RBFOX1: variants seen among roughly 807,000 people sequenced by gnomAD.
The protein encoded by RBFOX1 is RNA binding fox-1 homolog 1.
In RBFOX1, 8 loss-of-function variants were observed where a neutral mutation model predicts 57.7. The ratio of observed to expected loss-of-function variants is 0.14; its 90% confidence interval spans 0.08 to 0.25. The LOEUF (loss-of-function observed/expected upper bound fraction) is 0.25, where lower values mean the gene tolerates loss of function less well. RBFOX1 is among the 10% of genes least tolerant of loss of function. RBFOX1 has a pLI of 1.00. For missense variants in RBFOX1, 611 were observed against 548.5 expected (o/e 1.11, Z -1.14); for synonymous variants, 326 against 222.4 (o/e 1.47, Z -4.15).
chr16:5,597,787 C>T (rs1053449086), intron 2 of RBFOX1, among the ~76,000 whole-genome samples: 1 of 152,050 alleles, frequency 6.6e-6, no homozygotes, highest in Non-Finnish European at 1.5e-5. Flanking sequence ...GAAAGGTGGA[C>T]GAAGGCTTTG....
At chr16:7,320,495 T>G (rs577471187) in intron 4 of RBFOX1, among the ~76,000 whole-genome samples, 3 of 152,390 alleles carry the variant, frequency 2.0e-5, no homozygotes, top group South Asian at 4.1e-4. Context: ...GCATTTGTGT[T>G]GATTCCATGT....
At chr16:6,608,276 A>G (rs2097976492) in intron 2 of RBFOX1, among the ~76,000 whole-genome samples, 1 of 152,190 alleles carries the variant, frequency 6.6e-6, no homozygotes. Context: ...TAAGTGAAAT[A>G]TTTCAAAGTA....
At chr16:6,004,635 A>G (rs532741027) in intron 4 of RBFOX1, among the ~76,000 whole-genome samples, 1 of 152,286 alleles carries the variant, frequency 6.6e-6, no homozygotes, top group East Asian at 1.9e-4. Context: ...GAAGCCTTTC[A>G]TTTTATTTCT....
In RBFOX1 at chr16:6,549,003, A is replaced by T. The variant is rs1449850586; in HGVS notation, c.-63-105600A>T. 2.0e-5 allele frequency among the ~76,000 whole-genome samples: 3 copies of T among 149,980 alleles called. No homozygotes were observed. In the East Asian group the frequency reaches 6.1e-4, roughly 30 times the overall value. On this transcript the variant is annotated intron_variant, in intron 2 of 15. Transcript: ENST00000550418. ...GGCAGGAGATTCACTTGAACCCTGG[A>T]GGTGGAGGTTGCAGTGAGCTGAGAT...
intron 3 of RBFOX1, among the ~76,000 whole-genome samples, chr16:6,924,244 T>G (rs191457226): frequency 3.3e-5 from 5 of 152,168 alleles, no homozygotes; most frequent in Non-Finnish European, 5.9e-5. Context: ...AGAGGTTTAT[T>G]TGACTCACAG....
chr16:5,907,168 G>T (rs2058479328), intron 4 of RBFOX1, among the ~76,000 whole-genome samples: 1 of 152,142 alleles, frequency 6.6e-6, no homozygotes, highest in South Asian at 2.1e-4. Flanking sequence ...GCAGATTGTT[G>T]ACCTGCTGTG....
chr16:7,008,026 C>A (rs1054440444), intron 3 of RBFOX1, among the ~76,000 whole-genome samples: 2 of 151,982 alleles, frequency 1.3e-5, no homozygotes, highest in Admixed American at 6.6e-5. Flanking sequence ...TGTCTCTCAC[C>A]CAACTTAGCA....
At chr16:6,640,865 A>C (rs528029021) in intron 2 of RBFOX1, among the ~76,000 whole-genome samples, 5 of 152,146 alleles carry the variant, frequency 3.3e-5, no homozygotes, top group African/African-American at 7.2e-5. Context: ...ATTAAGGCCA[A>C]GACCCAAAAC....
chr16:6,761,612 G>A (rs967685673), intron 3 of RBFOX1, among the ~76,000 whole-genome samples: 4 of 136,394 alleles, frequency 2.9e-5, no homozygotes, highest in African/African-American at 1.1e-4. Flanking sequence ...GATTCAAGCA[G>A]TTCTCTGCCT....
At chr16:6,625,479 C>G (rs915532651) in intron 2 of RBFOX1, among the ~76,000 whole-genome samples, 2 of 152,226 alleles carry the variant, frequency 1.3e-5, no homozygotes, top group Non-Finnish European at 1.5e-5. Flanking sequence ...AGTCCAAGCT[C>G]CTTTCCTTTT....
chr16:6,903,098 A>C (rs1176774743), intron 3 of RBFOX1, among the ~76,000 whole-genome samples: 3 of 152,144 alleles, frequency 2.0e-5, no homozygotes, highest in Non-Finnish European at 4.4e-5. Flanking sequence ...CTTCAAGGGA[A>C]ACTTCTTGGA....
At chr16:5,733,442 C>T (rs930256099) in intron 3 of RBFOX1, among the ~76,000 whole-genome samples, 1 of 152,182 alleles carries the variant, frequency 6.6e-6, no homozygotes, top group Non-Finnish European at 1.5e-5. Flanking sequence ...GCGCTCTTGT[C>T]TCTGGCCTTA....
intron 1 of RBFOX1, among the ~76,000 whole-genome samples, chr16:6,305,853 G>C (rs1426537191): frequency 6.6e-6 from 1 of 152,004 alleles, no homozygotes; most frequent in Non-Finnish European, 1.5e-5. Flanking sequence ...CTTCACGTAT[G>C]CACTTGCCTC....
intron 4 of RBFOX1, among the ~76,000 whole-genome samples, chr16:7,117,612 T>C (rs779870053): frequency 5.3e-5 from 8 of 152,124 alleles, no homozygotes; most frequent in African/African-American, 1.4e-4. Flanking sequence ...ACTGAGCTCA[T>C]AGAGCTTTTG....
intron 1 of RBFOX1, among the ~76,000 whole-genome samples, chr16:6,208,731 T>C (rs955070071): frequency 1.3e-5 from 2 of 152,180 alleles, no homozygotes; most frequent in African/African-American, 2.4e-5. Context: ...AAAAAAAATA[T>C]GCATTTCTGG....
At chr16:7,422,453 T>C (rs1267165690) in intron 4 of RBFOX1, among the ~76,000 whole-genome samples, 1 of 152,176 alleles carries the variant, frequency 6.6e-6, no homozygotes, top group Non-Finnish European at 1.5e-5. Flanking sequence ...TTTTTCATTA[T>C]AGGTTCGGGA....
intron 1 of RBFOX1, among the ~76,000 whole-genome samples, chr16:5,410,731 C>T (rs1019617409): frequency 6.6e-5 from 10 of 152,196 alleles, no homozygotes; most frequent in African/African-American, 2.4e-4. Context: ...GCCTCTGAGC[C>T]ACTGCTCCAG....
intron 1 of RBFOX1, among the ~76,000 whole-genome samples, chr16:6,208,879 A>T (rs2097273205): frequency 1.3e-5 from 2 of 151,884 alleles, no homozygotes; most frequent in South Asian, 4.2e-4. Context: ...CACTTCCTAG[A>T]GTGTTCCCCC....
intron 1 of RBFOX1, among the ~76,000 whole-genome samples, chr16:5,376,090 C>A (rs971654771): frequency 1.3e-5 from 2 of 151,740 alleles, no homozygotes; most frequent in African/African-American, 4.8e-5. Flanking sequence ...ATTGCTTGAA[C>A]CTGGGAGGCA....
Sources: allele counts gnomAD v4.1 joint callset (sites outside exome capture counted in the v4.1 genomes callset), GRCh38; gene constraint gnomAD v4.1.1; transcripts MANE v1.5; gene names NCBI Gene and HGNC (gene_info 2026-07-23, HGNC 2026-07-21).